Variants in PLXND1 observed in about 807,000 individuals in gnomAD.
The protein encoded by PLXND1 is plexin D1.
Under a neutral mutation model 197.7 loss-of-function variants are expected in PLXND1, and 54 were observed. The ratio of observed to expected loss-of-function variants is 0.27; its 90% CI spans 0.22 to 0.34. PLXND1 has a LOEUF of 0.34. Ranked by LOEUF, PLXND1 falls within the 10% of genes least tolerant of loss-of-function variation. PLXND1 has a pLI of 1.00. For missense variants in PLXND1, 2,127 were observed against 2,699.2 expected (o/e 0.79, Z 4.70); for synonymous variants, 1,180 against 1,161.2 (o/e 1.02, Z -0.33).
rs1348846336 is a variant in PLXND1, at chr3:129,574,382, G to A, written c.2639C>T (p.Pro880Leu). The change falls in exon 12 of 36, where the codon CCT becomes CTT. Residue 880 changes from proline to leucine, a missense_variant. Pro to Leu is a moderately conservative substitution (Grantham distance 98). Coordinates refer to ENST00000324093, the MANE Select transcript of PLXND1 (RefSeq NM_015103.3). ...GCAGGTGCCAGCCATGGGCTGCAGA[G>A]GCCCCCGCAGGCGGCAGCCATCACT... ...MWSDGCRLRG[P>L]LQPMAGTCPA... 2 of 1,611,290 alleles carry A rather than the reference G, an allele frequency of 1.2e-6. No individual in the cohort carries two copies. Among genetic ancestry groups the A allele is most frequent in the South Asian group, 2.2e-5 (2 of 90,788 alleles).
intron 5 of PLXND1, 32 bp from the exon 6 acceptor site, chr3:129,584,594 C>A: frequency 6.4e-7 from 1 of 1,567,440 alleles, no homozygotes; most frequent in Non-Finnish European, 8.7e-7. Flanking sequence ...CTCTGGGGGT[C>A]CAGGCTATGC....
At chr3:129,583,981 G>A (rs1366959167) in intron 7 of PLXND1, 144 bp downstream of exon 7, 7 of 647,318 alleles carry the variant, frequency 1.1e-5, no homozygotes, top group African/African-American at 7.2e-5. Flanking sequence ...ATGAATAAAT[G>A]TGCTGGTGAA....
At position 129,586,773 on chromosome 3, in the gene PLXND1, C is replaced by A. The variant is rs945685055; in HGVS notation, c.1489-54G>T. On this transcript the variant is annotated intron_variant, in intron 2 of 35. Transcript: ENST00000324093. ...GGAGCCCATAGCAGGGGAGGCCAAA[C>A]CCAGGGGACAACCTGAGCCCGGGTC... is the stretch of plus-strand genomic sequence containing the variant. 2.8e-5 allele frequency: 44 copies of A among 1,574,350 alleles called. 1 individual carries two copies. In the Middle Eastern group the frequency reaches 1.0e-3, roughly 37 times the overall value.
rs200136973 is a variant in PLXND1 at position 129,559,661 on chromosome 3, T to A, written c.5256A>T (p.Gly1752=). 1 of 1,612,620 alleles carries A rather than the reference T, an allele frequency of 6.2e-7. No individual in the cohort carries two copies. Among genetic ancestry groups the A allele is most frequent in the African/African-American group, 1.3e-5 (1 of 74,960 alleles). Residue 1752 remains glycine, a synonymous_variant, in exon 32 of 36, where the codon GGA becomes GGT. Transcript: ENST00000324093. ...DFLEEQAEKR[G]ISDPDTLHIW... ...TGTGTAGGGTGTCGGGGTCGGAGAT[T>A]CCCCTCTTCTCAGCCTGCTCCTCCA...
rs201524575 is a variant in PLXND1, at chr3:129,570,819, G to A, written c.3717C>T (p.Ser1239=). The change falls in exon 19 of 36, where the codon TCC becomes TCT. Residue 1239 remains serine (S), a synonymous_variant. Transcript: ENST00000324093. ...DRIIHCSVNE[S]LGAAVGQLPI... is the part of the protein sequence containing the mutation. ...GCAGCTGCCCCACGGCCGCGCCCAGGGACTCGTTGACCGAGCAGTGGATGA... is the reference window on the plus strand; with the variant it reads ...GCAGCTGCCCCACGGCCGCGCCCAGAGACTCGTTGACCGAGCAGTGGATGA... 3.1e-6 allele frequency: 5 copies of A among 1,614,212 alleles called. No individual in the cohort carries two copies. In the East Asian group the frequency reaches 1.1e-4, roughly 36 times the overall value.
At position 129,586,277 on chromosome 3, in the gene PLXND1, G is replaced by A. The variant is rs755067687; in HGVS notation, c.1621-5C>T. The A allele has an allele frequency of 2.6e-6, 4 of 1,559,532 alleles. No individual in the cohort carries two copies. Among genetic ancestry groups the A allele is most frequent in the Non-Finnish European group, 3.5e-6 (4 of 1,157,472 alleles). On this transcript the variant is annotated splice_polypyrimidine_tract_variant and splice_region_variant and intron_variant, in intron 3 of 35. Transcript: ENST00000324093. ...GGCGACCTTCACCCTGGCCATCTGG[G>A]GGCAGAGGTGGGGGCCCAGCTCAAT...
chr3:129,604,599 T>C (rs972549475), intron 1 of PLXND1, among the ~76,000 whole-genome samples: 6 of 152,236 alleles, frequency 3.9e-5, no homozygotes, highest in African/African-American at 1.2e-4. Context: ...TGGTACATAC[T>C]AGGTGCTCAG....
At position 129,567,508 on chromosome 3, in the gene PLXND1, C is replaced by T. The variant is rs752691422; in HGVS notation, c.4070G>A (p.Arg1357His). Residue 1357 changes from arginine (R) to histidine (H), a missense_variant, in exon 22 of 36, where the codon CGC becomes CAC. Arg to His is a conservative substitution (Grantham distance 29). Coordinates refer to ENST00000324093, the MANE Select transcript of PLXND1 (RefSeq NM_015103.3). ...PFLEYKHFVTRTFFPKCSSLY... is the reference protein window; with the variant it reads ...PFLEYKHFVTHTFFPKCSSLY... Reference sequence around the variant, plus strand: ...CGGGCTGACCTTGGGGAAGAAGGTGCGGGTCACGAAGTGCTTATACTCCAG... The same window carrying T: ...CGGGCTGACCTTGGGGAAGAAGGTGTGGGTCACGAAGTGCTTATACTCCAG... 3 of 1,599,230 alleles carry T rather than the reference C, an allele frequency of 1.9e-6. No homozygotes were observed. The highest frequency in any genetic ancestry group is 2.6e-6 in the Non-Finnish European group (3 of 1,169,662).
intron 8 of PLXND1, among the ~76,000 whole-genome samples, chr3:129,580,513 C>A (rs933085810): frequency 6.6e-6 from 1 of 152,100 alleles, no homozygotes; most frequent in Non-Finnish European, 1.5e-5. Context: ...GTCCTCCTGG[C>A]CCCAGCCCAC....
In PLXND1 at chr3:129,570,851, C is replaced by A. The variant is rs1440757395; in HGVS notation, c.3685G>T (p.Asp1229Tyr). The A allele has an allele frequency of 6.2e-7, 1 of 1,614,222 alleles. No homozygotes were observed. Among genetic ancestry groups the A allele is most frequent in the Non-Finnish European group, 8.5e-7 (1 of 1,180,024 alleles). ...TTGACCGAGCAGTGGATGATTCTGT[C>A]AGAGACAATCTGGATGTCGCAGCTT... ...QVSCDIQIVS[D>Y]RIIHCSVNES... The change falls in exon 19 of 36, where the codon GAC (aspartate) becomes TAC (tyrosine). Residue 1229 changes from aspartate to tyrosine, a missense_variant. By Grantham distance (160) the Asp-to-Tyr change is radical. Coordinates refer to ENST00000324093, the MANE Select transcript of PLXND1 (RefSeq NM_015103.3).
intron 8 of PLXND1, 133 bp downstream of exon 8, chr3:129,583,434 A>G (rs2085412875): frequency 1.6e-6 from 1 of 626,840 alleles, no homozygotes; most frequent in Non-Finnish European, 2.9e-6. Flanking sequence ...GTGGTATGTG[A>G]TGAGCCCCAT....
intron 1 of PLXND1, among the ~76,000 whole-genome samples, chr3:129,594,306 T>C (rs1358348089): frequency 6.6e-6 from 1 of 152,166 alleles, no homozygotes; most frequent in Non-Finnish European, 1.5e-5. Flanking sequence ...AAGCACATGA[T>C]CACTTTGGGG....
chr3:129,558,397 T>C lies in PLXND1; in HGVS notation c.5445+31A>G. The C allele has an allele frequency of 6.2e-7, 1 of 1,602,698 alleles. No homozygotes were observed. The highest frequency in any genetic ancestry group is 8.5e-7 in the Non-Finnish European group (1 of 1,172,832). ...CGGCACCCCACTCTGGCCCTGTGCA[T>C]GGGCCTGGCCTGGTCCTGGGAACAG... is the stretch of plus-strand genomic sequence containing the variant. On this transcript the variant is annotated intron_variant, in intron 33 of 35. Transcript: ENST00000324093. This position sits in a 1 kb window ranked among gnomAD's most constrained non-coding sequence, Gnocchi z 4.1.
At chr3:129,576,295 C>T (rs1212786260) in intron 9 of PLXND1, among the ~76,000 whole-genome samples, 3 of 152,218 alleles carry the variant, frequency 2.0e-5, no homozygotes, top group African/African-American at 4.8e-5. Flanking sequence ...GCCCTCCCCT[C>T]GCCTGAACAC....
rs757987325 is a variant in PLXND1 at position 129,589,510 on chromosome 3, C to T, written c.1329G>A (p.Leu443=). ...KLNIQLQPEQ[L]DCGAAHLQHP... ...GCTGCAGGTGAGCAGCTCCACAGTC[C>T]AGCTGCTCTGGCTGGAGCTGGAAGA... The change falls in exon 2 of 36, where the codon CTG becomes CTA. Residue 443 remains leucine (L), a synonymous_variant. Transcript: ENST00000324093. 3.6e-5 allele frequency: 57 copies of T among 1,593,122 alleles called. No homozygotes were observed. Among genetic ancestry groups the T allele is most frequent in the Non-Finnish European group, 4.8e-5 (56 of 1,170,584 alleles).
Position 129,571,704 on chromosome 3 carries a change from G to A in PLXND1, c.3218C>T (p.Ala1073Val). Residue 1073 changes from alanine (A) to valine (V), a missense_variant, in exon 16 of 36, where the codon GCC becomes GTC. Physicochemically the swap from Ala to Val is moderately conservative, Grantham distance 64. Coordinates refer to ENST00000324093, the MANE Select transcript of PLXND1 (RefSeq NM_015103.3). ...FWYMQNPVIT[A>V]ISPRRSPVSG... ...GACAGGGCTGCGGCGGGGACTGATGGCCGTGATGACCGGGTTCTGCATGTA... is the reference window on the plus strand; with the variant it reads ...GACAGGGCTGCGGCGGGGACTGATGACCGTGATGACCGGGTTCTGCATGTA... 1.9e-6 allele frequency: 3 copies of A among 1,613,876 alleles called. No homozygotes were observed. The highest frequency in any genetic ancestry group is 2.2e-5 in the South Asian group (2 of 91,088).
rs773142546 is a variant in PLXND1, at chr3:129,571,055, G to A, written c.3585C>T (p.Leu1195=). The change falls in exon 18 of 36, where the codon CTC becomes CTT. Residue 1195 remains leucine, a synonymous_variant. Coordinates refer to ENST00000324093, the MANE Select transcript of PLXND1 (RefSeq NM_015103.3). ...TGGTGCTCACGTGGATAACGAGGGT[G>A]AGAGGCTCCCCGGGGTGGTGCTTGA... ...KWIKHHPGEP[L]TLVIHKEQDS... is the part of the protein sequence containing the mutation. The A allele has an allele frequency of 1.2e-6, 2 of 1,614,068 alleles. No homozygotes were observed. Among genetic ancestry groups the A allele is most frequent in the Non-Finnish European group, 1.7e-6 (2 of 1,179,910 alleles).
intron 8 of PLXND1, 95 bp downstream of exon 8, chr3:129,583,472 G>A (rs993353715): frequency 3.9e-6 from 3 of 779,190 alleles, no homozygotes; most frequent in Non-Finnish European, 6.5e-6. Context: ...AGCTAAGGCG[G>A]AATATGCAAA....
At chr3:129,570,094 A>C (rs1397929666) in intron 19 of PLXND1, 137 bp from the exon 20 acceptor site, 21 of 643,100 alleles carry the variant, frequency 3.3e-5, no homozygotes, top group Non-Finnish European at 6.0e-5. Context: ...CATAGAGATA[A>C]CAATGTCCAC....
Sources: allele counts gnomAD v4.1 joint callset (sites outside exome capture counted in the v4.1 genomes callset), GRCh38; gene constraint gnomAD v4.1.1; non-coding constraint Gnocchi (gnomAD v3.1); transcripts MANE v1.5; gene names NCBI Gene and HGNC (gene_info 2026-07-23, HGNC 2026-07-21).